Variants in EDA observed in about 807,000 individuals in gnomAD.
The protein encoded by EDA is ectodysplasin-A.
A neutral mutation model predicts 23.6 loss-of-function variants in EDA; 2 were observed. The observed-to-expected ratio is 0.08, with a 90% CI of 0.03 to 0.27. The LOEUF (loss-of-function observed/expected upper bound fraction) is 0.27. Among genes scored for constraint, EDA ranks in the 10% least tolerant of loss-of-function variants. EDA has a pLI of 1.00. For synonymous variants in EDA, 131 were observed against 132.0 expected (o/e 0.99, Z 0.05); for missense variants, 229 against 324.2 (o/e 0.71, Z 2.26).
intron 3 of EDA, among the ~76,000 whole-genome samples, chrX:70,027,404 A>G (rs891293017): frequency 8.9e-6 from 1 of 111,860 alleles, no homozygotes; most frequent in African/African-American, 3.3e-5. Flanking sequence ...AGACGGAGAC[A>G]GGGAGACAGA....
At chrX:69,751,232 T>C (rs2013842134) in intron 1 of EDA, among the ~76,000 whole-genome samples, 1 of 109,485 alleles carries the variant, frequency 9.1e-6, no homozygotes, top group Non-Finnish European at 1.9e-5. Context: ...AGTTTCAGCT[T>C]TCTACATATG....
At chrX:69,786,203 A>T (rs79045359) in intron 1 of EDA, among the ~76,000 whole-genome samples, 47 of 110,965 alleles carry the variant, frequency 4.2e-4, no homozygotes, top group African/African-American at 1.5e-3. Flanking sequence ...TAGTCTTGCT[A>T]GCGGTCTATC....
At position 69,629,479 on chromosome X, in the gene EDA, G is replaced by A. The variant is rs184226775; in HGVS notation, c.396+12775G>A. On this transcript the variant is annotated intron_variant, in intron 1 of 7. Transcript: ENST00000374552. ...CCTTTATAGCTCTTATACCTACAAC[G>A]CTAACTGTACTCTTTTAATTAAATA... Among the ~76,000 whole-genome samples, 370 of 112,058 alleles carry A rather than the reference G, an allele frequency of 3.3e-3. 1 individual carries two copies. The highest frequency in any genetic ancestry group is 5.7e-3 in the Non-Finnish European group (302 of 53,224).
intron 2 of EDA, among the ~76,000 whole-genome samples, chrX:70,021,479 T>C: frequency 8.9e-6 from 1 of 111,756 alleles, no homozygotes; most frequent in East Asian, 2.8e-4. Flanking sequence ...CCAAACAGCT[T>C]TCTTGTTCAA....
chrX:69,767,930 G>A (rs2014519041), intron 1 of EDA, among the ~76,000 whole-genome samples: 1 of 111,720 alleles, frequency 9.0e-6, no homozygotes, highest in South Asian at 3.7e-4. Flanking sequence ...GTTTTAATTT[G>A]CATTTTCCTA....
Position 70,035,408 on chromosome X carries a change from T to A in EDA, c.975T>A (p.Asp325Glu). Reference protein sequence around the residue: ...TDFASYEVVVDEKPFLQCTRS... With the variant: ...TDFASYEVVVEEKPFLQCTRS... ...TTGCCAGCTATGAGGTGGTGGTGGA[T>A]GAGAAGCCCTTCCTGCAGTGCACAC... Residue 325 changes from aspartate to glutamate, a missense_variant, in exon 8 of 8, where the codon GAT (aspartate) becomes GAA (glutamate). Asp to Glu is a conservative substitution (Grantham distance 45). Around this residue, in one of 2 missense-constraint regions of EDA, gnomAD observed 175 missense variants for 281.8 expected, o/e 0.62. Transcript: ENST00000374552. The A allele has an allele frequency of 8.3e-7, 1 of 1,209,770 alleles. No individual in the cohort carries two copies. The highest frequency in any genetic ancestry group is 1.1e-6 in the Non-Finnish European group (1 of 894,694).
intron 1 of EDA, among the ~76,000 whole-genome samples, chrX:69,811,151 G>C (rs1055743073): frequency 8.9e-6 from 1 of 112,073 alleles, no homozygotes; most frequent in African/African-American, 3.2e-5. Context: ...CCCATATATA[G>C]TACAAGATGT....
intron 1 of EDA, among the ~76,000 whole-genome samples, chrX:69,862,697 G>A (rs1423185356): frequency 1.8e-5 from 2 of 111,089 alleles, no homozygotes; most frequent in African/African-American, 6.5e-5. Context: ...CCTCTCCTCG[G>A]CCTCCCACAG....
At chrX:69,723,057 C>G (rs755924554) in intron 1 of EDA, among the ~76,000 whole-genome samples, 1 of 111,722 alleles carries the variant, frequency 9.0e-6, no homozygotes, top group African/African-American at 3.2e-5. Context: ...ATAACTTCAC[C>G]TTTGAGTGCC....
At chrX:69,788,955 G>T (rs943540904) in intron 1 of EDA, among the ~76,000 whole-genome samples, 322 of 112,364 alleles carry the variant, frequency 2.9e-3, no homozygotes, top group Middle Eastern at 4.7e-3. Context: ...CTCCGTGGGC[G>T]TAGGACCCTC....
chrX:69,903,145 A>G (rs1569368735), intron 1 of EDA, among the ~76,000 whole-genome samples: 1 of 111,533 alleles, frequency 9.0e-6, no homozygotes, highest in South Asian at 3.7e-4. Context: ...GTCTATTCAT[A>G]AGTTTATTTC....
chrX:69,883,815 G>A (rs993433926), intron 1 of EDA, among the ~76,000 whole-genome samples: 2 of 111,332 alleles, frequency 1.8e-5, no homozygotes, highest in Non-Finnish European at 3.8e-5. Flanking sequence ...CTTTTTAGGG[G>A]GCCAGGTGTG....
intron 2 of EDA, among the ~76,000 whole-genome samples, chrX:70,014,394 G>A (rs901872401): frequency 8.9e-6 from 1 of 112,719 alleles, no homozygotes; most frequent in Non-Finnish European, 1.9e-5. Context: ...CTAGCGCAAA[G>A]CCTCAGCCCT....
chrX:69,887,422 A>G (rs182258365), intron 1 of EDA, among the ~76,000 whole-genome samples: 1 of 112,464 alleles, frequency 8.9e-6, no homozygotes, highest in East Asian at 2.8e-4. Flanking sequence ...GAATACAATG[A>G]TAGAACTGAA....
At chrX:70,017,941 C>T (rs1222360224) in intron 2 of EDA, among the ~76,000 whole-genome samples, 1 of 111,633 alleles carries the variant, frequency 9.0e-6, no homozygotes, top group African/African-American at 3.3e-5. Context: ...TGATTCTATA[C>T]CTAGAAAACC....
intron 1 of EDA, among the ~76,000 whole-genome samples, chrX:69,867,879 C>T: frequency 1.8e-5 from 2 of 111,675 alleles, no homozygotes. Context: ...TATACCACTT[C>T]CATTTAATGA....
intron 1 of EDA, among the ~76,000 whole-genome samples, chrX:69,935,832 G>T (rs1307203294): frequency 9.2e-6 from 1 of 108,911 alleles, no homozygotes; most frequent in South Asian, 3.9e-4. Context: ...AGATTGCAAA[G>T]ATATACACAA....
At chrX:69,639,142 C>G (rs1325586177) in intron 1 of EDA, among the ~76,000 whole-genome samples, 5 of 111,037 alleles carry the variant, frequency 4.5e-5, no homozygotes, top group Non-Finnish European at 7.6e-5. Context: ...ATGTATATAC[C>G]ACATTTTGTT....
chrX:69,750,484 C>T (rs1245516880), intron 1 of EDA, among the ~76,000 whole-genome samples: 9 of 110,303 alleles, frequency 8.2e-5, no homozygotes, highest in Non-Finnish European at 1.1e-4. Flanking sequence ...AGTAAACATA[C>T]GTGTGCGTGT....
Sources: gnomAD v4.1 joint callset for allele counts (sites outside exome capture counted in the v4.1 genomes callset) on GRCh38, gnomAD v4.1.1 for gene constraint, gnomAD v4.1.1 regional missense constraint, MANE v1.5 for transcripts, NCBI Gene and HGNC (gene_info 2026-07-23, HGNC 2026-07-21) for gene names.